The following VPS41 variants were observed in gnomAD, a reference collection of about 807,000 sequenced individuals.
VPS41 encodes VPS41 subunit of HOPS complex.
VPS41 carries 85 observed loss-of-function variants against 130.9 expected under a neutral mutation model. That is an observed-to-expected ratio of 0.65 (90% CI 0.55 to 0.78). The LOEUF (loss-of-function observed/expected upper bound fraction) is 0.78, where lower values mean the gene tolerates loss of function less well. VPS41 is among the 30% of genes least tolerant of loss of function. The pLI, the probability that VPS41 is intolerant of heterozygous loss-of-function variation, is 0.00. For synonymous variants in VPS41, 335 were observed against 332.9 expected, an observed-to-expected ratio of 1.01 and a Z score of -0.07; for missense variants, 874 against 1,018.7, an observed-to-expected ratio of 0.86 and a Z score of 1.93.
intron 4 of VPS41, among the ~76,000 whole-genome samples, chr7:38,842,945 G>A (rs1785638447): frequency 6.6e-6 from 1 of 152,132 alleles, no homozygotes; most frequent in Admixed American, 6.5e-5. Context: ...TCAGCATCTG[G>A]CATAGAAAAG....
chr7:38,772,374 G>C (rs540298160), intron 13 of VPS41, 148 bp downstream of exon 13: 4 of 526,014 alleles, frequency 7.6e-6, no homozygotes, highest in Non-Finnish European at 1.3e-5. Flanking sequence ...TTCTGAAGGG[G>C]GTACTAGAAA....
intron 9 of VPS41, among the ~76,000 whole-genome samples, chr7:38,791,000 G>C (rs2115952396): frequency 6.6e-6 from 1 of 152,270 alleles, no homozygotes; most frequent in African/African-American, 2.4e-5. Context: ...AGTATACTGA[G>C]TTGCTGCCCA....
intron 6 of VPS41, among the ~76,000 whole-genome samples, chr7:38,818,692 T>C (rs896828542): frequency 2.6e-5 from 4 of 152,184 alleles, no homozygotes; most frequent in Non-Finnish European, 4.4e-5. Flanking sequence ...TCCACCTCCT[T>C]CTCTCTTTAT....
At chr7:38,792,079 T>C (rs1281447119) in intron 9 of VPS41, among the ~76,000 whole-genome samples, 1 of 152,152 alleles carries the variant, frequency 6.6e-6, no homozygotes, top group Non-Finnish European at 1.5e-5. Flanking sequence ...TCGCTGGTCA[T>C]GCCACAGCTT....
At chr7:38,855,667 T>C (rs1336421569) in intron 4 of VPS41, among the ~76,000 whole-genome samples, 1 of 152,148 alleles carries the variant, frequency 6.6e-6, no homozygotes, top group Non-Finnish European at 1.5e-5. Flanking sequence ...GGGCATGGAA[T>C]ACATAACCAG....
At chr7:38,728,418 C>G in intron 27 of VPS41, 124 bp downstream of exon 27, 1 of 1,090,300 alleles carries the variant, frequency 9.2e-7, no homozygotes. Flanking sequence ...CACAACACTT[C>G]TCTCCACTGG....
intron 2 of VPS41, among the ~76,000 whole-genome samples, chr7:38,878,627 G>A (rs1401131250): frequency 1.3e-5 from 2 of 152,168 alleles, no homozygotes; most frequent in Non-Finnish European, 1.5e-5. Context: ...CACAAAGACT[G>A]AGTATTAGGA....
At chr7:38,804,609 A>G (rs1436968281) in intron 7 of VPS41, among the ~76,000 whole-genome samples, 1 of 152,232 alleles carries the variant, frequency 6.6e-6, no homozygotes, top group Non-Finnish European at 1.5e-5. Flanking sequence ...TGAAAACAAA[A>G]TAAGTTAAAC....
intron 7 of VPS41, among the ~76,000 whole-genome samples, chr7:38,814,186 G>T (rs1454880192): frequency 1.3e-5 from 2 of 152,164 alleles, no homozygotes; most frequent in African/African-American, 4.8e-5. Context: ...GTCTGCAAAT[G>T]ATATCAAATG....
rs569489006 is a variant in VPS41, at chr7:38,787,627, T to C, written c.784+2174A>G. Among the ~76,000 whole-genome samples the C allele has an allele frequency of 2.0e-5, 3 of 152,330 alleles. No homozygotes were observed. The East Asian group carries it at 5.8e-4, about 29-fold the overall frequency. On this transcript the variant is annotated intron_variant, in intron 10 of 28. Transcript: ENST00000310301. ...GTCTGAGTTGTAACAGAAAGAGTTA[T>C]AAACAATTGGCTTCTAAGAAATGTA... is the stretch of plus-strand genomic sequence containing the variant.
intron 1 of VPS41, among the ~76,000 whole-genome samples, chr7:38,904,215 A>G (rs866759087): frequency 1.3e-5 from 2 of 152,218 alleles, no homozygotes; most frequent in African/African-American, 4.8e-5. Flanking sequence ...CCCTGATCTG[A>G]TGAGTGTCCT....
intron 10 of VPS41, among the ~76,000 whole-genome samples, chr7:38,779,319 C>T (rs1023424230): frequency 1.3e-5 from 2 of 152,146 alleles, no homozygotes; most frequent in African/African-American, 4.8e-5. Flanking sequence ...AAAACTGAAA[C>T]TAAATTATGT....
At chr7:38,898,227 G>C in intron 1 of VPS41, 98 bp from the exon 2 acceptor site, 2 of 991,738 alleles carry the variant, frequency 2.0e-6, no homozygotes, top group Non-Finnish European at 3.1e-6. Context: ...CCACGCATCT[G>C]CCCTTTTTGG....
chr7:38,778,292 A>C (rs1208186623), intron 10 of VPS41, among the ~76,000 whole-genome samples: 1 of 152,210 alleles, frequency 6.6e-6, no homozygotes. Flanking sequence ...AAATGTTCAC[A>C]AAAGAGCTTA....
intron 2 of VPS41, among the ~76,000 whole-genome samples, chr7:38,885,122 G>A (rs1229631743): frequency 1.3e-5 from 2 of 152,172 alleles, no homozygotes; most frequent in African/African-American, 4.8e-5. Context: ...CACCCAGGCT[G>A]GAGTGCAGTG....
At chr7:38,741,337 G>T in intron 25 of VPS41, 1 of 357,478 alleles carries the variant, frequency 2.8e-6, no homozygotes, top group Non-Finnish European at 5.6e-6. Flanking sequence ...CCAGCATCCT[G>T]AAAAATAGTA....
At chr7:38,890,158 G>A (rs550112169) in intron 2 of VPS41, among the ~76,000 whole-genome samples, 4 of 152,238 alleles carry the variant, frequency 2.6e-5, no homozygotes, top group East Asian at 1.9e-4. Context: ...AATGAAAAAC[G>A]GAGGATACAA....
intron 7 of VPS41, among the ~76,000 whole-genome samples, chr7:38,813,443 T>C (rs940371243): frequency 6.6e-6 from 1 of 152,132 alleles, no homozygotes; most frequent in East Asian, 1.9e-4. Flanking sequence ...AAAATTAGCT[T>C]ACGTTGATGG....
chr7:38,742,705 T>G (rs998735453), intron 24 of VPS41, among the ~76,000 whole-genome samples: 1 of 151,650 alleles, frequency 6.6e-6, no homozygotes, highest in African/African-American at 2.4e-5. Context: ...AGGATAGTTA[T>G]TAAAGTCAAT....
Sources: gnomAD v4.1 joint callset for allele counts (sites outside exome capture counted in the v4.1 genomes callset) on GRCh38, gnomAD v4.1.1 for gene constraint, MANE v1.5 for transcripts, NCBI Gene and HGNC (gene_info 2026-07-23, HGNC 2026-07-21) for gene names.